Variants in MMP26 observed in about 807,000 individuals in gnomAD.
The protein encoded by MMP26 is matrix metalloproteinase-26.
In MMP26, 33 loss-of-function variants were observed where a neutral mutation model predicts 31.0. That is an observed-to-expected ratio of 1.06 (90% CI 0.81 to 1.42). The LOEUF (loss-of-function observed/expected upper bound fraction) is 1.42, where lower values mean the gene tolerates loss of function less well. Among genes scored for constraint, MMP26 ranks in the 40% most tolerant of loss-of-function variants. The pLI is 0.00. For missense variants in MMP26, 347 were observed against 316.1 expected (o/e 1.10, Z -0.74); for synonymous variants, 122 against 114.9 (o/e 1.06, Z -0.40).
chr11:4,780,077 T>A (rs891982129), intron 2 of MMP26, among the ~76,000 whole-genome samples: 4 of 152,212 alleles, frequency 2.6e-5, no homozygotes, highest in Non-Finnish European at 5.9e-5. Flanking sequence ...ATACATCAAC[T>A]TATTAGTTTG....
chr11:4,773,483 G>A (rs563940838), intron 2 of MMP26, among the ~76,000 whole-genome samples: 23 of 152,190 alleles, frequency 1.5e-4, no homozygotes, highest in Non-Finnish European at 2.9e-4. Flanking sequence ...AAGCTTGGAA[G>A]GATAGCCTTC....
At chr11:4,841,914 CAA>C (rs1215842319) in intron 2 of MMP26, among the ~76,000 whole-genome samples, 1 of 152,114 alleles carries the variant, frequency 6.6e-6, no homozygotes, top group African/African-American at 2.4e-5. Context: ...GCCTGGGCAA[CAA>C]GAGCAAAACT....
intron 1 of MMP26, among the ~76,000 whole-genome samples, chr11:4,713,515 T>C (rs1296825630): frequency 6.6e-6 from 1 of 152,184 alleles, no homozygotes; most frequent in African/African-American, 2.4e-5. Context: ...TCCCTCATTG[T>C]AAACACTGAG....
intron 1 of MMP26, among the ~76,000 whole-genome samples, chr11:4,737,581 T>G (rs868841921): frequency 1.1e-4 from 16 of 152,142 alleles, no homozygotes; most frequent in African/African-American, 3.9e-4. Context: ...AGGCGGAGGT[T>G]GCGGTGAGCC....
At chr11:4,724,242 A>G in intron 1 of MMP26, 1 of 421,066 alleles carries the variant, frequency 2.4e-6, no homozygotes, top group Non-Finnish European at 4.3e-6. Context: ...TCTAGGTCTT[A>G]TTACCATAAG....
rs979634536 is a variant in MMP26 at position 4,720,318 on chromosome 11, C to T, written c.-217+15273C>T. Among the ~76,000 whole-genome samples, 5 of 152,222 alleles carry T rather than the reference C, an allele frequency of 3.3e-5. No individual in the cohort carries two copies. The East Asian group carries it at 9.6e-4, about 29-fold the overall frequency. ...GCGTGTTCCTGCTTTTGGGAAATAC[C>T]ATCTTCAAATAAATTAATTTTCTGT... is the stretch of plus-strand genomic sequence containing the variant. On this transcript the variant is annotated intron_variant, in intron 1 of 7. Transcript: ENST00000380390.
intron 1 of MMP26, among the ~76,000 whole-genome samples, chr11:4,757,316 C>T (rs764527425): frequency 6.6e-6 from 1 of 151,828 alleles, no homozygotes; most frequent in Non-Finnish European, 1.5e-5. Context: ...CAAGCACTGT[C>T]CTAAAAAACT....
chr11:4,955,780 G>C (rs1174586250), intron 2 of MMP26: 5 of 1,461,820 alleles, frequency 3.4e-6, no homozygotes. Flanking sequence ...CCGCTTGCTT[G>C]TGTTGGTAAA....
chr11:4,989,516 G>A, intron 3 of MMP26, 132 bp from the exon 4 acceptor site: 1 of 645,044 alleles, frequency 1.6e-6, no homozygotes, highest in Non-Finnish European at 2.7e-6. Context: ...ATCTGACTGA[G>A]AACAGGAGAC....
chr11:4,875,164 TGAAGA>T (rs1282809092), intron 2 of MMP26: 1 of 152,068 alleles, frequency 6.6e-6, no homozygotes, highest in Non-Finnish European at 1.5e-5. Context: ...TGCTCTCTAA[TGAAGA>T]GAAAAGTAAA....
chr11:4,988,907 G>A (rs1315505090), intron 3 of MMP26, among the ~76,000 whole-genome samples: 2 of 152,056 alleles, frequency 1.3e-5, no homozygotes, highest in East Asian at 3.9e-4. Context: ...GCCCAGCTCA[G>A]CTGATAATAA....
At position 4,848,209 on chromosome 11, in the gene MMP26, T is replaced by A. The variant is rs370508098; in HGVS notation, c.-145+80868T>A. On this transcript the variant is annotated intron_variant, in intron 2 of 7. Transcript: ENST00000380390. ...AGAAACTTTAGTATCAGGAGCCCTG[T>A]ACCACCAAACACGGAGGGACATCCT... is the stretch of plus-strand genomic sequence containing the variant. 5 of 1,571,680 alleles carry A rather than the reference T, an allele frequency of 3.2e-6. No homozygotes were observed. The African/African-American group carries it at 6.8e-5, about 21-fold the overall frequency.
intron 2 of MMP26, among the ~76,000 whole-genome samples, chr11:4,883,926 T>C (rs531448067): frequency 6.6e-6 from 1 of 152,220 alleles, no homozygotes; most frequent in South Asian, 2.1e-4. Context: ...ACCAAGCAGT[T>C]ACTCTGATTT....
At chr11:4,894,295 A>G (rs552394735) in intron 2 of MMP26, among the ~76,000 whole-genome samples, 4 of 152,288 alleles carry the variant, frequency 2.6e-5, no homozygotes, top group Middle Eastern at 6.8e-3. Flanking sequence ...AGAGAGATTA[A>G]TTTCTCAAAG....
intron 2 of MMP26, among the ~76,000 whole-genome samples, chr11:4,895,329 C>T (rs781127340): frequency 6.6e-6 from 1 of 152,152 alleles, no homozygotes; most frequent in Non-Finnish European, 1.5e-5. Flanking sequence ...GAAACCATAA[C>T]GTCATCTCAC....
intron 1 of MMP26, among the ~76,000 whole-genome samples, chr11:4,731,369 A>G (rs1848170946): frequency 6.6e-6 from 1 of 152,202 alleles, no homozygotes; most frequent in Non-Finnish European, 1.5e-5. Context: ...GAATGCCAAG[A>G]GGGCCCACAA....
intron 2 of MMP26, among the ~76,000 whole-genome samples, chr11:4,987,155 T>C (rs139978878): frequency 6.6e-6 from 1 of 151,920 alleles, no homozygotes; most frequent in African/African-American, 2.4e-5. Context: ...GTGCTGGGAT[T>C]ACAGGTGTGA....
intron 2 of MMP26, among the ~76,000 whole-genome samples, chr11:4,854,290 G>A (rs770226799): frequency 1.3e-5 from 2 of 152,170 alleles, no homozygotes; most frequent in South Asian, 2.1e-4. Flanking sequence ...AAGTGCAAGG[G>A]GTCAGGGAAT....
At chr11:4,941,792 T>TTA (rs1554892703) in intron 2 of MMP26, among the ~76,000 whole-genome samples, 1 of 151,140 alleles carries the variant, frequency 6.6e-6, no homozygotes, top group African/African-American at 2.4e-5. Flanking sequence ...TTCTTTTTTT[T>TTA]AAAGTAAAAC....
Sources: allele counts gnomAD v4.1 joint callset (sites outside exome capture counted in the v4.1 genomes callset), GRCh38; gene constraint gnomAD v4.1.1; transcripts MANE v1.5; gene names NCBI Gene and HGNC (gene_info 2026-07-23, HGNC 2026-07-21).